The following ACAP2 variants were observed in gnomAD, a reference collection of about 807,000 sequenced individuals.
ACAP2 encodes ArfGAP with coiled-coil, ankyrin repeat and PH domains 2.
A neutral mutation model predicts 115.8 loss-of-function variants in ACAP2; 39 were observed. That is an observed-to-expected ratio of 0.34 (90% CI 0.26 to 0.44). The LOEUF (loss-of-function observed/expected upper bound fraction) is 0.44, where lower values mean the gene tolerates loss of function less well. ACAP2 is among the 20% of genes least tolerant of loss of function. The probability of loss-of-function intolerance (pLI) is 1.00; values close to 1 mark genes in which losing one functional copy is unlikely to be tolerated. For synonymous variants in ACAP2, 289 were observed against 315.8 expected, an observed-to-expected ratio of 0.92 and a Z score of 0.90; for missense variants, 662 against 927.6, an observed-to-expected ratio of 0.71 and a Z score of 3.72.
chr3:195,417,886 T>C (rs1025471621), intron 1 of ACAP2, among the ~76,000 whole-genome samples: 5 of 151,828 alleles, frequency 3.3e-5, no homozygotes, highest in Admixed American at 1.3e-4. Context: ...GAGTTCAAGG[T>C]TGCAGTGAGC....
intron 4 of ACAP2, among the ~76,000 whole-genome samples, chr3:195,353,038 G>T (rs1003168897): frequency 2.0e-5 from 3 of 148,288 alleles, no homozygotes; most frequent in African/African-American, 7.5e-5. Flanking sequence ...CCAAGGTCAT[G>T]CCATTCACTC....
chr3:195,413,218 A>G (rs558359417), intron 1 of ACAP2, among the ~76,000 whole-genome samples: 1 of 152,252 alleles, frequency 6.6e-6, no homozygotes, highest in African/African-American at 2.4e-5. Context: ...GTTGAGGTAC[A>G]CCACAGTCTA....
intron 4 of ACAP2, among the ~76,000 whole-genome samples, chr3:195,380,012 G>C (rs1024780813): frequency 6.6e-6 from 1 of 152,086 alleles, no homozygotes; most frequent in African/African-American, 2.4e-5. Context: ...ACGATGTGGA[G>C]AACTTGGAAC....
intron 11 of ACAP2, among the ~76,000 whole-genome samples, chr3:195,308,030 T>C (rs912504871): frequency 6.6e-6 from 1 of 152,182 alleles, no homozygotes. Context: ...TTGTTTCTAG[T>C]TATTTTAATA....
chr3:195,329,905 T>G (rs935417620), intron 8 of ACAP2, among the ~76,000 whole-genome samples: 5 of 152,132 alleles, frequency 3.3e-5, no homozygotes, highest in African/African-American at 9.7e-5. Flanking sequence ...CTTTCTTATG[T>G]CCCCGCCCCA....
intron 1 of ACAP2, among the ~76,000 whole-genome samples, chr3:195,402,439 C>G (rs1712387854): frequency 6.6e-6 from 1 of 151,998 alleles, no homozygotes; most frequent in Non-Finnish European, 1.5e-5. Context: ...TTGCATAAAC[C>G]TTAAAACTAA....
At chr3:195,432,539 C>T (rs1715214059) in intron 1 of ACAP2, among the ~76,000 whole-genome samples, 2 of 152,214 alleles carry the variant, frequency 1.3e-5, no homozygotes, top group South Asian at 4.1e-4. Context: ...TTCTATTTCA[C>T]TGATCTATAT....
intron 13 of ACAP2, among the ~76,000 whole-genome samples, chr3:195,306,081 G>A (rs1728400998): frequency 1.3e-5 from 2 of 152,026 alleles, no homozygotes. Flanking sequence ...AGAAACTGAG[G>A]CCAGACTATG....
At chr3:195,326,582 T>C (rs1325281577) in intron 9 of ACAP2, 2 of 276,266 alleles carry the variant, frequency 7.2e-6, no homozygotes, top group East Asian at 8.1e-5. Flanking sequence ...ATCCTAAATG[T>C]AATTATGAAT....
chr3:195,391,118 G>A (rs146866361), intron 2 of ACAP2, among the ~76,000 whole-genome samples: 9 of 152,066 alleles, frequency 5.9e-5, no homozygotes, highest in East Asian at 1.9e-4. Context: ...ACATTTGAAC[G>A]TGGCCAGACC....
At chr3:195,402,527 T>C (rs1712396334) in intron 1 of ACAP2, among the ~76,000 whole-genome samples, 1 of 152,244 alleles carries the variant, frequency 6.6e-6, no homozygotes, top group Non-Finnish European at 1.5e-5. Context: ...ACCAATATTA[T>C]ACATATAACT....
chr3:195,339,885 T>C (rs1448682704), intron 6 of ACAP2, among the ~76,000 whole-genome samples: 3 of 151,840 alleles, frequency 2.0e-5, no homozygotes, highest in African/African-American at 7.3e-5. Flanking sequence ...TTCTAACCAC[T>C]GGACTAGAGG....
At chr3:195,385,186 G>A (rs7620399) in intron 2 of ACAP2, among the ~76,000 whole-genome samples, 1 of 151,330 alleles carries the variant, frequency 6.6e-6, no homozygotes, top group African/African-American at 2.4e-5. Context: ...GCCAAGATGG[G>A]AGGAACTCTT....
intron 8 of ACAP2, among the ~76,000 whole-genome samples, chr3:195,329,091 A>G (rs1055599183): frequency 6.6e-6 from 1 of 151,818 alleles, no homozygotes; most frequent in Non-Finnish European, 1.5e-5. Flanking sequence ...AAAAAAAAAA[A>G]AAAGAAAGAA....
intron 1 of ACAP2, among the ~76,000 whole-genome samples, chr3:195,406,866 A>C (rs1309318013): frequency 6.6e-6 from 1 of 152,222 alleles, no homozygotes; most frequent in East Asian, 1.9e-4. Flanking sequence ...CAAATTCAAA[A>C]TATGTTGTGT....
intron 1 of ACAP2, among the ~76,000 whole-genome samples, chr3:195,431,253 T>C (rs1715091074): frequency 6.6e-6 from 1 of 152,198 alleles, no homozygotes; most frequent in South Asian, 2.1e-4. Flanking sequence ...TAATTCCATT[T>C]GTATAGATAC....
intron 10 of ACAP2, among the ~76,000 whole-genome samples, chr3:195,320,388 T>C (rs1001221370): frequency 4.6e-5 from 7 of 152,182 alleles, no homozygotes; most frequent in African/African-American, 1.2e-4. Flanking sequence ...ATATAGGAGG[T>C]AGACCATATT....
chr3:195,307,223 T>C lies in ACAP2; in HGVS notation c.1010A>G (p.Lys337Arg), dbSNP rs777072233. ...RFCFEVVSPT[K>R]SCMLQADSEK... ...TCACAGATCCTTTAGAACCACTTAC[T>C]TTGTTGGCGAGACCACCTCAAAGCA... The change falls in exon 12 of 23, where the codon AAA becomes AGA. Residue 337 changes from lysine to arginine, a missense_variant and splice_region_variant. Physicochemically the swap from Lys to Arg is conservative, Grantham distance 26. Coordinates refer to ENST00000326793, the MANE Select transcript of ACAP2 (RefSeq NM_012287.6). The C allele has an allele frequency of 3.7e-6, 6 of 1,611,740 alleles. No individual in the cohort carries two copies.
At chr3:195,313,507 G>A (rs1404473303) in intron 10 of ACAP2, among the ~76,000 whole-genome samples, 2 of 152,112 alleles carry the variant, frequency 1.3e-5, no homozygotes. Flanking sequence ...TCTCCCAATT[G>A]CCCATCCCGT....
Sources: gnomAD v4.1 joint callset for allele counts (sites outside exome capture counted in the v4.1 genomes callset) on GRCh38, gnomAD v4.1.1 for gene constraint, MANE v1.5 for transcripts, NCBI Gene and HGNC (gene_info 2026-07-23, HGNC 2026-07-21) for gene names.